Variants in ZCRB1 observed in about 807,000 individuals in gnomAD.
The protein encoded by ZCRB1 is zinc finger CCHC-type and RNA-binding motif-containing protein 1.
A neutral mutation model predicts 29.9 loss-of-function variants in ZCRB1; 21 were observed. The observed-to-expected ratio is 0.70, with a 90% CI of 0.50 to 1.01. The LOEUF (loss-of-function observed/expected upper bound fraction) is 1.01. ZCRB1 is among the 50% of genes least tolerant of loss of function. The pLI is 0.00. For synonymous variants in ZCRB1, 77 were observed against 80.0 expected, an observed-to-expected ratio of 0.96 and a Z score of 0.20; for missense variants, 204 against 253.3, an observed-to-expected ratio of 0.81 and a Z score of 1.32.
chr12:42,317,568 T>G (rs2068600888), intron 4 of ZCRB1, 121 bp from the exon 5 acceptor site: 1 of 884,404 alleles, frequency 1.1e-6, no homozygotes, highest in African/African-American at 1.7e-5. Context: ...AATTGTCACT[T>G]AGGTGTGATA....
At chr12:42,321,277 G>C (rs530107267) in intron 3 of ZCRB1, among the ~76,000 whole-genome samples, 1 of 151,990 alleles carries the variant, frequency 6.6e-6, no homozygotes, top group Non-Finnish European at 1.5e-5. Context: ...TAACAAAGTG[G>C]AAAAAGAAAA....
At chr12:42,325,887 C>G (rs1417505410) in intron 1 of ZCRB1, 37 bp downstream of exon 1, 1 of 152,556 alleles carries the variant, frequency 6.6e-6, no homozygotes, top group African/African-American at 2.4e-5. Flanking sequence ...GGAGGGGGCC[C>G]CGCAGGAGAG....
At chr12:42,313,267 C>A in intron 7 of ZCRB1, 69 bp from the exon 8 acceptor site, 1 of 1,511,454 alleles carries the variant, frequency 6.6e-7, no homozygotes, top group African/African-American at 1.4e-5. Flanking sequence ...TAATTCAAAA[C>A]ATGGCAAAAA....
At chr12:42,318,668 G>A (rs1050808862) in intron 3 of ZCRB1, among the ~76,000 whole-genome samples, 2 of 152,138 alleles carry the variant, frequency 1.3e-5, no homozygotes, top group Non-Finnish European at 2.9e-5. Context: ...GAGAAATAGC[G>A]GATTCCAAGG....
intron 5 of ZCRB1, among the ~76,000 whole-genome samples, chr12:42,314,219 AGTG>A (rs1045798885): frequency 6.6e-6 from 1 of 151,970 alleles, no homozygotes; most frequent in African/African-American, 2.4e-5. Flanking sequence ...TACTAAGAGT[AGTG>A]GTAGTAGTCT....
Position 42,313,137 on chromosome 12 carries a change from G to C in ZCRB1, c.584C>G (p.Ser195Ter). ...WKPSSGVPST[S>*]DDSRRPRIKK... is the part of the protein sequence containing the mutation. ...TATCCTTGGGCGTCTTGAATCATCT[G>C]ATGTTGAGGGGACTCCTGAACTGGG... The change falls in exon 8 of 8, where the codon TCA becomes TGA. Residue 195 changes from serine (S) to a stop codon, truncating the protein, a stop_gained. Transcript: ENST00000266529. LOFTEE classifies it high-confidence loss of function. 1 of 1,612,558 alleles carries C rather than the reference G, an allele frequency of 6.2e-7. No homozygotes were observed. Among genetic ancestry groups the C allele is most frequent in the South Asian group, 1.1e-5 (1 of 90,698 alleles).
At chr12:42,317,676 G>A (rs1440135578) in intron 4 of ZCRB1, 111 bp downstream of exon 4, 21 of 946,002 alleles carry the variant, frequency 2.2e-5, no homozygotes, top group Non-Finnish European at 3.2e-5. Flanking sequence ...GATATCTTAA[G>A]AATCTACTGA....
At chr12:42,316,379 C>T (rs189962364) in intron 5 of ZCRB1, among the ~76,000 whole-genome samples, 59 of 152,226 alleles carry the variant, frequency 3.9e-4, no homozygotes, top group African/African-American at 1.3e-3. Flanking sequence ...GGATTACAGG[C>T]GTGAGCCACT....
intron 1 of ZCRB1, chr12:42,325,459 A>G (rs1324272913): frequency 6.6e-6 from 1 of 152,208 alleles, no homozygotes; most frequent in Non-Finnish European, 1.5e-5. Context: ...ACCTGTAGGT[A>G]TGTGTGTATA....
intron 3 of ZCRB1, among the ~76,000 whole-genome samples, chr12:42,320,233 A>G (rs1003749800): frequency 3.9e-5 from 6 of 152,180 alleles, no homozygotes; most frequent in African/African-American, 1.2e-4. Flanking sequence ...TCTTGTTCAC[A>G]AAGTCCTTAT....
At chr12:42,322,300 G>A in intron 3 of ZCRB1, 118 bp downstream of exon 3, 1 of 996,632 alleles carries the variant, frequency 1.0e-6, no homozygotes, top group Non-Finnish European at 1.4e-6. Context: ...AATGTTAATA[G>A]TATTTTCTTT....
rs2137546127 is a variant in ZCRB1 at position 42,326,020 on chromosome 12, G to A, written c.-99C>T. The stretch of plus-strand genomic sequence containing the variant: ...CTTCGTAGCCGCTCGCAGCGGCCTT[G>A]GCATCACGAGTCCTGGGAGGGGTCA... On this transcript the variant is annotated 5_prime_UTR_variant, in exon 1 of 8. Coordinates refer to ENST00000266529, the MANE Select transcript of ZCRB1 (RefSeq NM_033114.4). 2 of 152,418 alleles carry A rather than the reference G, an allele frequency of 1.3e-5. No individual in the cohort carries two copies. Among genetic ancestry groups the A allele is most frequent in the Middle Eastern group, 6.8e-3 (2 of 294 alleles). 9.4% of individuals were successfully genotyped at this position (152,418 alleles called of 1,614,324 possible). A position where few individuals can be genotyped will look rare whatever the true frequency, so the allele number is the denominator to read the frequency against.
chr12:42,316,301 T>A (rs1048277831), intron 5 of ZCRB1, among the ~76,000 whole-genome samples: 1 of 152,048 alleles, frequency 6.6e-6, no homozygotes, highest in Non-Finnish European at 1.5e-5. Flanking sequence ...AGTTTCACTA[T>A]GTTGGTCAGT....
At chr12:42,325,387 G>T (rs531430622) in intron 1 of ZCRB1, 1 of 151,974 alleles carries the variant, frequency 6.6e-6, no homozygotes, top group Non-Finnish European at 1.5e-5. Context: ...CGCTAATTTT[G>T]CTTATTGCCA....
chr12:42,323,267 ATACT>A (rs2137534091), intron 2 of ZCRB1, among the ~76,000 whole-genome samples: 1 of 152,326 alleles, frequency 6.6e-6, no homozygotes, highest in East Asian at 1.9e-4. Flanking sequence ...CTTCTATATA[ATACT>A]TACTAATGGC....
intron 3 of ZCRB1, among the ~76,000 whole-genome samples, chr12:42,321,731 T>C (rs944468996): frequency 6.6e-6 from 1 of 152,224 alleles, no homozygotes; most frequent in Admixed American, 6.5e-5. Context: ...CTCAAAATTC[T>C]TGGGATTTTA....
chr12:42,319,044 C>T (rs1215744434), intron 3 of ZCRB1, among the ~76,000 whole-genome samples: 1 of 152,120 alleles, frequency 6.6e-6, no homozygotes, highest in Non-Finnish European at 1.5e-5. Flanking sequence ...GGAAAAATCA[C>T]CAATTTGACA....
intron 7 of ZCRB1, 40 bp downstream of exon 7, chr12:42,313,650 C>A (rs773148141): frequency 1.3e-6 from 2 of 1,599,410 alleles, no homozygotes; most frequent in Non-Finnish European, 1.7e-6. Flanking sequence ...TAAACCAAGT[C>A]AACTATTGTA....
chr12:42,320,469 T>A (rs2068615892), intron 3 of ZCRB1, among the ~76,000 whole-genome samples: 1 of 152,000 alleles, frequency 6.6e-6, no homozygotes. Context: ...TGCGATGGGG[T>A]CTTGCTCTGT....
Sources: allele counts gnomAD v4.1 joint callset (sites outside exome capture counted in the v4.1 genomes callset), GRCh38; gene constraint gnomAD v4.1.1; transcripts MANE v1.5; gene names NCBI Gene and HGNC (gene_info 2026-07-23, HGNC 2026-07-21).